RBFOX1: variants seen among roughly 807,000 people sequenced by gnomAD.
RBFOX1 encodes RNA binding fox-1 homolog 1, also known as RNA binding protein fox-1 homolog 1.
Under a neutral mutation model 57.7 loss-of-function variants are expected in RBFOX1, and 8 were observed. The ratio of observed to expected loss-of-function variants is 0.14; its 90% CI spans 0.08 to 0.25. The LOEUF is 0.25. Among genes scored for constraint, RBFOX1 ranks in the 10% least tolerant of loss-of-function variants. The probability of loss-of-function intolerance (pLI) is 1.00; values close to 1 mark genes in which losing one functional copy is unlikely to be tolerated. For missense variants in RBFOX1, 611 were observed against 548.5 expected, an observed-to-expected ratio of 1.11 and a Z score of -1.14; for synonymous variants, 326 against 222.4, an observed-to-expected ratio of 1.47 and a Z score of -4.15.
chr16:5,964,715 C>G (rs1431080169), intron 4 of RBFOX1, among the ~76,000 whole-genome samples: 1 of 151,672 alleles, frequency 6.6e-6, no homozygotes, highest in Non-Finnish European at 1.5e-5. Flanking sequence ...AACATATACA[C>G]TTATATATAC....
intron 3 of RBFOX1, among the ~76,000 whole-genome samples, chr16:6,960,010 C>T (rs993662924): frequency 6.6e-6 from 1 of 152,126 alleles, no homozygotes; most frequent in Non-Finnish European, 1.5e-5. Flanking sequence ...CAAAAACCCC[C>T]CAAGAGTTTT....
chr16:7,506,604 T>TCAC (rs547512960), intron 4 of RBFOX1, among the ~76,000 whole-genome samples: 5,499 of 151,692 alleles, frequency 0.036, 329 homozygotes, highest in African/African-American at 0.13. Context: ...ATCATCATCA[T>TCAC]CACCACCACC....
intron 3 of RBFOX1, among the ~76,000 whole-genome samples, chr16:6,830,041 C>G (rs1374952970): frequency 6.6e-6 from 1 of 152,034 alleles, no homozygotes; most frequent in Non-Finnish European, 1.5e-5. Context: ...CTCAGCCTCC[C>G]AAGTAACTAG....
chr16:7,484,897 C>G (rs1218977553), intron 4 of RBFOX1, among the ~76,000 whole-genome samples: 1 of 152,136 alleles, frequency 6.6e-6, no homozygotes, highest in African/African-American at 2.4e-5. Flanking sequence ...AGGATATTGT[C>G]AGTATCAGGA....
rs34382826 is a variant in RBFOX1 at position 6,178,177 on chromosome 16, C to CTT, written c.-126-138793_-126-138792dup. 1.7e-3 allele frequency among the ~76,000 whole-genome samples: 121 copies of CTT among 69,632 alleles called. 3 individuals are homozygous for CTT. The highest frequency in any genetic ancestry group is 2.3e-3 in the Non-Finnish European group (86 of 37,460). 45.7% of individuals were successfully genotyped at this position (69,632 alleles called of 152,430 possible). A position where few individuals can be genotyped will look rare whatever the true frequency, so the allele number is the denominator to read the frequency against. Reference sequence around the variant, plus strand: ...CTTGCCCATATTTCCAAAGGTCACTCTTTTTTTTTTTTTTTTTTTTTTTTT... The same window carrying CTT: ...CTTGCCCATATTTCCAAAGGTCACTCTTTTTTTTTTTTTTTTTTTTTTTTTTT... On this transcript the variant is annotated intron_variant, in intron 1 of 15. Coordinates refer to ENST00000550418, the MANE Select transcript of RBFOX1 (RefSeq NM_018723.4).
At chr16:6,832,822 A>G (rs2092804109) in intron 3 of RBFOX1, among the ~76,000 whole-genome samples, 1 of 152,218 alleles carries the variant, frequency 6.6e-6, no homozygotes, top group African/African-American at 2.4e-5. Context: ...TCATTCATTT[A>G]TTGATTAAAT....
At chr16:5,846,755 G>C (rs1271028027) in intron 3 of RBFOX1, among the ~76,000 whole-genome samples, 4 of 152,224 alleles carry the variant, frequency 2.6e-5, no homozygotes, top group Admixed American at 6.5e-5. Context: ...CACAGTCTTT[G>C]CATGATGGGT....
chr16:5,978,808 G>A (rs1208275543), intron 4 of RBFOX1, among the ~76,000 whole-genome samples: 2 of 151,890 alleles, frequency 1.3e-5, no homozygotes, highest in Admixed American at 6.6e-5. Flanking sequence ...TGGAGTTGTG[G>A]GGAACAACAC....
At chr16:7,645,969 C>A (rs1407877839) in intron 11 of RBFOX1, among the ~76,000 whole-genome samples, 1 of 145,734 alleles carries the variant, frequency 6.9e-6, no homozygotes, top group Non-Finnish European at 1.5e-5. Context: ...TTTTTTTCTG[C>A]GAAACTCTGA....
chr16:7,148,715 C>G (rs987040759), intron 4 of RBFOX1, among the ~76,000 whole-genome samples: 3 of 152,170 alleles, frequency 2.0e-5, no homozygotes, highest in African/African-American at 2.4e-5. Flanking sequence ...TGAATGATCT[C>G]AAAATGAGGC....
intron 1 of RBFOX1, among the ~76,000 whole-genome samples, chr16:6,125,826 T>C (rs922888207): frequency 6.6e-6 from 1 of 152,160 alleles, no homozygotes; most frequent in African/African-American, 2.4e-5. Context: ...CCTCCCATTG[T>C]ATTGTGAGAT....
intron 3 of RBFOX1, among the ~76,000 whole-genome samples, chr16:6,958,936 G>T (rs1351214740): frequency 6.6e-6 from 1 of 152,030 alleles, no homozygotes; most frequent in African/African-American, 2.4e-5. Flanking sequence ...TCCTGACATA[G>T]GCAGCATGGT....
At chr16:5,491,070 G>T (rs1001817257) in intron 2 of RBFOX1, among the ~76,000 whole-genome samples, 2 of 152,064 alleles carry the variant, frequency 1.3e-5, no homozygotes, top group African/African-American at 4.8e-5. Context: ...CCATATATCA[G>T]GTTTCTGTAC....
chr16:5,527,974 A>G (rs1020072487), intron 2 of RBFOX1, among the ~76,000 whole-genome samples: 5 of 152,144 alleles, frequency 3.3e-5, no homozygotes, highest in Admixed American at 3.3e-4. Context: ...GCCTGTCAGG[A>G]TGTTTAAACA....
intron 4 of RBFOX1, among the ~76,000 whole-genome samples, chr16:7,084,043 C>A (rs2059607278): frequency 6.6e-6 from 1 of 152,118 alleles, no homozygotes; most frequent in African/African-American, 2.4e-5. Context: ...TCTTTCAGGT[C>A]ATTTACCCTA....
chr16:6,153,805 G>T (rs2096818990), intron 1 of RBFOX1, among the ~76,000 whole-genome samples: 1 of 152,122 alleles, frequency 6.6e-6, no homozygotes, highest in African/African-American at 2.4e-5. Context: ...CAAAGTGCTG[G>T]GATTACAGGT....
intron 2 of RBFOX1, among the ~76,000 whole-genome samples, chr16:6,561,893 C>T (rs998158634): frequency 1.2e-4 from 19 of 152,142 alleles, no homozygotes; most frequent in African/African-American, 4.6e-4. Context: ...GTATTGGCAG[C>T]ACTTTGCCTA....
At chr16:5,968,529 C>T (rs1330959689) in intron 4 of RBFOX1, among the ~76,000 whole-genome samples, 2 of 152,124 alleles carry the variant, frequency 1.3e-5, no homozygotes, top group Non-Finnish European at 2.9e-5. Context: ...ATTATTATTT[C>T]CTTTTCTTCA....
At chr16:7,525,718 C>G (rs1033158129) in intron 5 of RBFOX1, among the ~76,000 whole-genome samples, 1 of 152,178 alleles carries the variant, frequency 6.6e-6, no homozygotes, top group African/African-American at 2.4e-5. Flanking sequence ...GCTGCCATTG[C>G]TTGAGGCCTC....
Sources: allele counts gnomAD v4.1 joint callset (sites outside exome capture counted in the v4.1 genomes callset), GRCh38; gene constraint gnomAD v4.1.1; transcripts MANE v1.5; gene names NCBI Gene and HGNC (gene_info 2026-07-23, HGNC 2026-07-21).